Variants in RSPRY1 observed in about 807,000 individuals in gnomAD.
RSPRY1 encodes RING finger and SPRY domain-containing protein 1.
A neutral mutation model predicts 73.1 loss-of-function variants in RSPRY1; 23 were observed. The observed-to-expected ratio is 0.31, with a 90% CI of 0.23 to 0.45. RSPRY1 has a LOEUF of 0.45. RSPRY1 is among the 20% of genes least tolerant of loss of function. The pLI is 1.00. For missense variants in RSPRY1, 448 were observed against 698.7 expected (o/e 0.64, Z 4.05); for synonymous variants, 226 against 251.4 (o/e 0.90, Z 0.95).
At chr16:57,198,650 G>A (rs1467177581) in intron 1 of RSPRY1, among the ~76,000 whole-genome samples, 1 of 151,892 alleles carries the variant, frequency 6.6e-6, no homozygotes, top group African/African-American at 2.4e-5. Context: ...CAAGATTCCT[G>A]TTCTCTCCCC....
intron 13 of RSPRY1, among the ~76,000 whole-genome samples, chr16:57,232,940 C>G (rs771214632): frequency 4.6e-5 from 7 of 152,194 alleles, no homozygotes; most frequent in Non-Finnish European, 8.8e-5. Flanking sequence ...CACCTTAGTG[C>G]CAACCTCCTT....
chr16:57,227,229 T>C (rs2075133677), intron 10 of RSPRY1, 113 bp from the exon 11 acceptor site: 2 of 708,604 alleles, frequency 2.8e-6, no homozygotes, highest in African/African-American at 3.5e-5. Context: ...TCTCTCATCA[T>C]CCAGAAAGCT....
rs2075349655 is a variant in RSPRY1, at chr16:57,239,600, T to G, written c.*625T>G. The G allele has an allele frequency of 6.6e-6, 1 of 151,824 alleles. No homozygotes were observed. Among genetic ancestry groups the G allele is most frequent in the Non-Finnish European group, 1.5e-5 (1 of 67,962 alleles). 9.4% of individuals were successfully genotyped at this position (151,824 alleles called of 1,614,324 possible). Reference sequence around the variant, plus strand: ...AACATTCTAGGTTTTTTGTTTGTTTTTTTGTTTTTTGGGTTTTTTTTTTTT... The same window carrying G: ...AACATTCTAGGTTTTTTGTTTGTTTGTTTGTTTTTTGGGTTTTTTTTTTTT... On this transcript the variant is annotated 3_prime_UTR_variant, in exon 15 of 15. Transcript: ENST00000394420.
chr16:57,192,164 T>C (rs1244334729), intron 1 of RSPRY1, among the ~76,000 whole-genome samples: 1 of 152,234 alleles, frequency 6.6e-6, no homozygotes, highest in East Asian at 1.9e-4. Context: ...ATGAGTGTTT[T>C]AGACATCATT....
intron 11 of RSPRY1, among the ~76,000 whole-genome samples, chr16:57,228,264 C>A (rs1034948359): frequency 2.0e-5 from 2 of 99,938 alleles, no homozygotes; most frequent in Non-Finnish European, 1.9e-5. Flanking sequence ...CAGAGTGAGA[C>A]TCCATCTCAA....
intron 1 of RSPRY1, among the ~76,000 whole-genome samples, chr16:57,203,011 A>G (rs2074654855): frequency 7.1e-6 from 1 of 141,496 alleles, no homozygotes; most frequent in Admixed American, 7.0e-5. Context: ...ATCTGTCTAA[A>G]ATAATGGAAA....
chr16:57,189,939 A>C (rs1051798047), intron 1 of RSPRY1, among the ~76,000 whole-genome samples: 1 of 152,142 alleles, frequency 6.6e-6, no homozygotes, highest in Admixed American at 6.5e-5. Context: ...TTTCCTTAAC[A>C]ATGAAGTAAT....
intron 11 of RSPRY1, among the ~76,000 whole-genome samples, chr16:57,228,993 AG>A (rs1478318444): frequency 6.6e-6 from 1 of 152,236 alleles, no homozygotes; most frequent in Non-Finnish European, 1.5e-5. Context: ...CCCATGGCCC[AG>A]CCAATAACAT....
At chr16:57,196,702 A>G (rs2146188243) in intron 1 of RSPRY1, among the ~76,000 whole-genome samples, 1 of 152,338 alleles carries the variant, frequency 6.6e-6, no homozygotes, top group Non-Finnish European at 1.5e-5. Flanking sequence ...AGTACGGGGT[A>G]GTTCTGTAAA....
chr16:57,232,805 C>G (rs540624052), intron 13 of RSPRY1, among the ~76,000 whole-genome samples: 1 of 152,260 alleles, frequency 6.6e-6, no homozygotes, highest in Admixed American at 6.5e-5. Context: ...ATTTGGTACC[C>G]AAAGTTCGTC....
intron 10 of RSPRY1, among the ~76,000 whole-genome samples, chr16:57,222,380 C>T (rs2075052689): frequency 6.6e-6 from 1 of 152,218 alleles, no homozygotes; most frequent in South Asian, 2.1e-4. Context: ...AGGCACATCC[C>T]ATGGTGACCT....
intron 13 of RSPRY1, among the ~76,000 whole-genome samples, chr16:57,234,286 G>A (rs1597934531): frequency 6.6e-6 from 1 of 152,150 alleles, no homozygotes; most frequent in East Asian, 1.9e-4. Context: ...TTACCTTAGT[G>A]AGACCTTTCC....
intron 1 of RSPRY1, among the ~76,000 whole-genome samples, chr16:57,188,096 A>G (rs1160602957): frequency 6.6e-6 from 1 of 152,162 alleles, no homozygotes; most frequent in Non-Finnish European, 1.5e-5. Context: ...CACGAATACT[A>G]TGCGTTGTTG....
At chr16:57,236,510 A>G (rs1162268215) in intron 14 of RSPRY1, among the ~76,000 whole-genome samples, 3 of 152,152 alleles carry the variant, frequency 2.0e-5, no homozygotes, top group East Asian at 1.9e-4. Flanking sequence ...ACAAGAGTCA[A>G]TCCCCAGAGG....
intron 1 of RSPRY1, among the ~76,000 whole-genome samples, chr16:57,192,548 T>C (rs1176425953): frequency 6.6e-6 from 1 of 152,166 alleles, no homozygotes; most frequent in Admixed American, 6.5e-5. Context: ...GCCTAAATTT[T>C]ATTTTTTAGT....
At chr16:57,234,862 A>G (rs112235615) in intron 13 of RSPRY1, among the ~76,000 whole-genome samples, 6 of 152,362 alleles carry the variant, frequency 3.9e-5, no homozygotes, top group African/African-American at 1.4e-4. Flanking sequence ...AAAGGATTTT[A>G]ATTTGATTCC....
chr16:57,203,071 C>T (rs1597874106), intron 1 of RSPRY1, among the ~76,000 whole-genome samples: 3 of 151,760 alleles, frequency 2.0e-5, no homozygotes, highest in Admixed American at 1.3e-4. Flanking sequence ...TTTGGGAGGC[C>T]GAGGTGGGCA....
chr16:57,211,578 A>G (rs1390599477), intron 4 of RSPRY1, among the ~76,000 whole-genome samples: 3 of 152,216 alleles, frequency 2.0e-5, no homozygotes, highest in African/African-American at 7.2e-5. Flanking sequence ...CAACAACAAC[A>G]ACAAAAAAAA....
At chr16:57,196,672 A>T (rs1441525234) in intron 1 of RSPRY1, among the ~76,000 whole-genome samples, 1 of 152,228 alleles carries the variant, frequency 6.6e-6, no homozygotes, top group Non-Finnish European at 1.5e-5. Flanking sequence ...TATAGGTTAT[A>T]GAAAAGTAAA....
Sources: gnomAD v4.1 joint callset for allele counts (sites outside exome capture counted in the v4.1 genomes callset) on GRCh38, gnomAD v4.1.1 for gene constraint, MANE v1.5 for transcripts, NCBI Gene and HGNC (gene_info 2026-07-23, HGNC 2026-07-21) for gene names.